Variants in CDH18 observed in about 807,000 individuals in gnomAD.
CDH18 encodes the protein cadherin-18.
In CDH18, 31 loss-of-function variants were observed where a neutral mutation model predicts 67.9. The observed-to-expected ratio is 0.46, with a 90% CI of 0.34 to 0.62. The LOEUF (loss-of-function observed/expected upper bound fraction) is 0.62, where lower values mean the gene tolerates loss of function less well. Among genes scored for constraint, CDH18 ranks in the 20% least tolerant of loss-of-function variants. The pLI is 0.01. For missense variants in CDH18, 890 were observed against 975.5 expected, an observed-to-expected ratio of 0.91 and a Z score of 1.17; for synonymous variants, 362 against 347.2, an observed-to-expected ratio of 1.04 and a Z score of -0.48.
At chr5:19,667,053 C>T (rs1389395599) in intron 5 of CDH18, among the ~76,000 whole-genome samples, 1 of 151,762 alleles carries the variant, frequency 6.6e-6, no homozygotes, top group African/African-American at 2.4e-5. Flanking sequence ...GTTTTTAATT[C>T]AATTACAATT....
At chr5:20,512,095 C>A (rs551557363) in intron 1 of CDH18, among the ~76,000 whole-genome samples, 1 of 151,826 alleles carries the variant, frequency 6.6e-6, no homozygotes, top group South Asian at 2.1e-4. Context: ...TGCTGGCAGG[C>A]GCATGTAATC....
chr5:19,643,267 C>T (rs2150232968), intron 5 of CDH18, among the ~76,000 whole-genome samples: 1 of 152,126 alleles, frequency 6.6e-6, no homozygotes, highest in Middle Eastern at 3.4e-3. Flanking sequence ...TTATGAAAAA[C>T]AATATGAAGG....
At chr5:20,429,349 C>T (rs1006094640) in intron 1 of CDH18, among the ~76,000 whole-genome samples, 2 of 152,106 alleles carry the variant, frequency 1.3e-5, no homozygotes, top group African/African-American at 2.4e-5. Context: ...AGGAGAATAA[C>T]ACCATTCCAT....
rs760777430 is a variant in CDH18 at position 19,994,855 on chromosome 5, T to TATATATATATATATAGAGAGAGAGAG, written c.-517-2842_-517-2841insCTCTCTCTCTCTATATATATATATAT. On this transcript the variant is annotated intron_variant, in intron 2 of 14. Transcript: ENST00000507958. ...ATATATATATATATATATATATATA[T>TATATATATATATATAGAGAGAGAGAG]AGAGAGAGAGAGAGAGAGAGAGATG... Among the ~76,000 whole-genome samples, 5 of 67,586 alleles carry TATATATATATATATAGAGAGAGAGAG rather than the reference T, an allele frequency of 7.4e-5. 1 individual carries two copies. The highest frequency in any genetic ancestry group is 1.5e-4 in the African/African-American group (2 of 13,586). 44.3% of individuals were successfully genotyped at this position (67,586 alleles called of 152,430 possible). A position where few individuals can be genotyped will look rare whatever the true frequency, so the allele number is the denominator to read the frequency against.
In CDH18 at chr5:19,753,765, T is replaced by C. The variant is rs116756073; in HGVS notation, c.229-6529A>G. Among the ~76,000 whole-genome samples the C allele has an allele frequency of 5.4e-3, 816 of 152,290 alleles. 7 individuals are homozygous for C. The highest frequency in any genetic ancestry group is 7.8e-3 in the Non-Finnish European group (531 of 68,024). On this transcript the variant is annotated intron_variant, in intron 3 of 12. Coordinates refer to ENST00000382275, the MANE Select transcript of CDH18 (RefSeq NM_004934.5). The stretch of plus-strand genomic sequence containing the variant: ...ATCCTACAAAGGAAAACCTATCAGA[T>C]TGACAGCAGATTTCTCAGCAGAAAC...
chr5:19,719,174 T>A (rs1044853909), intron 5 of CDH18, among the ~76,000 whole-genome samples: 48 of 152,190 alleles, frequency 3.2e-4, no homozygotes, highest in South Asian at 8.3e-4. Flanking sequence ...ATAACTTTTT[T>A]AAACAATTTT....
intron 1 of CDH18, among the ~76,000 whole-genome samples, chr5:20,557,303 G>A (rs1370632257): frequency 6.6e-6 from 1 of 151,852 alleles, no homozygotes; most frequent in African/African-American, 2.4e-5. Flanking sequence ...CGAAAAAAAT[G>A]TAAGTAAAGA....
intron 1 of CDH18, among the ~76,000 whole-genome samples, chr5:20,266,985 C>T (rs1054931272): frequency 2.0e-5 from 3 of 152,068 alleles, no homozygotes; most frequent in African/African-American, 7.2e-5. Flanking sequence ...TCTGGATAGA[C>T]AAAGCCAGTC....
intron 10 of CDH18, among the ~76,000 whole-genome samples, chr5:19,518,494 C>A (rs1014287547): frequency 9.2e-5 from 14 of 152,152 alleles, no homozygotes; most frequent in Middle Eastern, 3.4e-3. Flanking sequence ...GCAGACCCAC[C>A]CTCAATCTGG....
intron 10 of CDH18, among the ~76,000 whole-genome samples, chr5:19,510,943 C>G (rs978144964): frequency 4.6e-5 from 7 of 151,976 alleles, no homozygotes; most frequent in African/African-American, 1.7e-4. Flanking sequence ...TCCCGAGTAG[C>G]TGGGATTACA....
chr5:20,417,475 A>G (rs986855923), intron 1 of CDH18, among the ~76,000 whole-genome samples: 5 of 152,192 alleles, frequency 3.3e-5, no homozygotes, highest in African/African-American at 9.6e-5. Flanking sequence ...ATGATTTCCA[A>G]TGGTCTGTTT....
intron 2 of CDH18, among the ~76,000 whole-genome samples, chr5:20,185,861 A>G (rs991928787): frequency 1.0e-5 from 1 of 98,518 alleles, no homozygotes; most frequent in African/African-American, 4.7e-5. Flanking sequence ...TACTAAATTT[A>G]TCTATTTTTT....
intron 2 of CDH18, among the ~76,000 whole-genome samples, chr5:19,851,438 C>T (rs1294679877): frequency 7.7e-6 from 1 of 130,556 alleles, no homozygotes; most frequent in Non-Finnish European, 1.7e-5. Flanking sequence ...AAAAAACAAA[C>T]CCAAAAAACC....
In CDH18 at chr5:20,248,256, G is replaced by C. The variant is rs553367176; in HGVS notation, c.-518+7188C>G. 6.3e-4 allele frequency among the ~76,000 whole-genome samples: 86 copies of C among 136,366 alleles called. No individual in the cohort carries two copies. The South Asian group carries it at 0.019, about 30-fold the overall frequency. 89.5% of individuals were successfully genotyped at this position (136,366 alleles called of 152,430 possible). A position where few individuals can be genotyped will look rare whatever the true frequency, so the allele number is the denominator to read the frequency against. On this transcript the variant is annotated intron_variant, in intron 2 of 14. Coordinates refer to the CDH18 transcript ENST00000507958. ...CATGTTTCAAACAGCTGACACTGTT[G>C]AGTAAGCAAAAAGAGATGCTTGACT...
intron 9 of CDH18, among the ~76,000 whole-genome samples, chr5:19,532,237 T>G (rs1843724): frequency 0.2 from 29,738 of 152,134 alleles, 3,233 homozygotes; most frequent in South Asian, 0.33. Flanking sequence ...CAATGAACTT[T>G]TAGTAACAAC....
chr5:19,771,001 C>T (rs1208830326), intron 3 of CDH18, among the ~76,000 whole-genome samples: 4 of 152,114 alleles, frequency 2.6e-5, no homozygotes, highest in African/African-American at 7.2e-5. Flanking sequence ...CACATCAACA[C>T]CTGGGCTTGA....
At chr5:20,333,858 C>A (rs1485232144) in intron 1 of CDH18, among the ~76,000 whole-genome samples, 2 of 149,770 alleles carry the variant, frequency 1.3e-5, no homozygotes, top group South Asian at 2.1e-4. Flanking sequence ...GTAAATAATT[C>A]ATAAGAAAAA....
intron 1 of CDH18, among the ~76,000 whole-genome samples, chr5:20,406,844 C>G (rs2150137417): frequency 6.6e-6 from 1 of 152,298 alleles, no homozygotes; most frequent in South Asian, 2.1e-4. Context: ...AATACATAAA[C>G]TAGTCAAAAG....
At chr5:19,760,705 T>C (rs1449154116) in intron 3 of CDH18, among the ~76,000 whole-genome samples, 5 of 152,176 alleles carry the variant, frequency 3.3e-5, no homozygotes, top group Non-Finnish European at 7.4e-5. Flanking sequence ...GTGTGGTGCA[T>C]GTCCTCATGT....
Sources: allele counts gnomAD v4.1 joint callset (sites outside exome capture counted in the v4.1 genomes callset), GRCh38; gene constraint gnomAD v4.1.1; transcripts MANE v1.5; gene names NCBI Gene and HGNC (gene_info 2026-07-23, HGNC 2026-07-21).